C2CD3: variants seen among roughly 807,000 people sequenced by gnomAD.
C2CD3 encodes the protein C2 domain-containing protein 3.
In C2CD3, 148 loss-of-function variants were observed where a neutral mutation model predicts 234.0. The ratio of observed to expected loss-of-function variants is 0.63; its 90% CI spans 0.55 to 0.72. The LOEUF (loss-of-function observed/expected upper bound fraction) is 0.72. Among genes scored for constraint, C2CD3 ranks in the 30% least tolerant of loss-of-function variants. The pLI is 0.00. For synonymous variants in C2CD3, 1,000 were observed against 1,035.4 expected, an observed-to-expected ratio of 0.97 and a Z score of 0.66; for missense variants, 2,577 against 2,811.5, an observed-to-expected ratio of 0.92 and a Z score of 1.89.
chr11:74,123,254 C>G, intron 7 of C2CD3, 119 bp from the exon 8 acceptor site: 2 of 694,374 alleles, frequency 2.9e-6, no homozygotes, highest in South Asian at 4.1e-5. Flanking sequence ...AAACAAAAGA[C>G]TCACATTAAA....
At chr11:74,139,049 C>G (rs1957961366) in intron 4 of C2CD3, 82 bp from the exon 5 acceptor site, 3 of 1,261,854 alleles carry the variant, frequency 2.4e-6, no homozygotes. Context: ...AGAAAGTAGA[C>G]CAGTGGTTTT....
chr11:74,098,055 C>G lies in C2CD3; in HGVS notation c.2933G>C (p.Arg978Thr), dbSNP rs542242783. Reference protein sequence around the residue: ...EEGTLPPFSPRPAHFLDQPTA... With the variant: ...EEGTLPPFSPTPAHFLDQPTA... The stretch of plus-strand genomic sequence containing the variant: ...TGGCTGGTCCAGGAAATGGGCTGGC[C>G]TAGGGCTGAAGGGAGGGAGTGTTCC... The change falls in exon 16 of 33, where the codon AGG (arginine) becomes ACG (threonine). Residue 978 changes from arginine (R) to threonine (T), a missense_variant. Transcript: ENST00000334126. 6.2e-7 allele frequency: 1 copy of G among 1,614,098 alleles called. No individual in the cohort carries two copies. The highest frequency in any genetic ancestry group is 2.2e-5 in the East Asian group (1 of 44,876).
intron 22 of C2CD3, among the ~76,000 whole-genome samples, chr11:74,081,314 C>T (rs1219688286): frequency 6.6e-6 from 1 of 152,096 alleles, no homozygotes; most frequent in African/African-American, 2.4e-5. Flanking sequence ...TTCCAGACTG[C>T]CTTGGTGGTT....
At chr11:74,084,696 G>C (rs1160373017) in intron 22 of C2CD3, among the ~76,000 whole-genome samples, 185 bp downstream of exon 22, 2 of 151,560 alleles carry the variant, frequency 1.3e-5, no homozygotes, top group Non-Finnish European at 1.5e-5. Flanking sequence ...AATTAATTAA[G>C]ATCTTTAAAC....
intron 24 of C2CD3, among the ~76,000 whole-genome samples, chr11:74,067,054 T>C (rs559407796): frequency 1.7e-4 from 26 of 152,344 alleles, no homozygotes; most frequent in African/African-American, 6.3e-4. Flanking sequence ...AAAAACAGCA[T>C]TTCTGTTCCC....
At chr11:74,102,888 G>A (rs1590808638) in intron 14 of C2CD3, among the ~76,000 whole-genome samples, 1 of 152,250 alleles carries the variant, frequency 6.6e-6, no homozygotes, top group Non-Finnish European at 1.5e-5. Flanking sequence ...CAAAACTCAG[G>A]CAAAAGAAAC....
intron 3 of C2CD3, among the ~76,000 whole-genome samples, chr11:74,143,535 TTATATA>T (rs143669000): frequency 6.9e-6 from 1 of 145,862 alleles, no homozygotes; most frequent in Non-Finnish European, 1.5e-5. Flanking sequence ...TTTTATATAT[TTATATA>T]TATATATATT....
At position 74,099,937 on chromosome 11, in the gene C2CD3, G is replaced by T. The variant is rs138727242; in HGVS notation, c.2732+588C>A. On this transcript the variant is annotated intron_variant, in intron 15 of 32. Coordinates refer to ENST00000334126, the MANE Select transcript of C2CD3 (RefSeq NM_001286577.2). ...AAAAACAACAAAAAAGAAACAGTTT[G>T]TATTGAGGAATGAAATAACCTTCAG... Among the ~76,000 whole-genome samples, 281 of 152,028 alleles carry T rather than the reference G, an allele frequency of 1.8e-3. 1 individual carries two copies. Among genetic ancestry groups the T allele is most frequent in the African/African-American group, 6.4e-3 (267 of 41,498 alleles).
chr11:74,073,324 C>T (rs1006488224), intron 24 of C2CD3, among the ~76,000 whole-genome samples: 3 of 152,086 alleles, frequency 2.0e-5, no homozygotes, highest in South Asian at 2.1e-4. Flanking sequence ...CAGTGGCTCA[C>T]GTCTGTACTC....
chr11:74,157,280 A>G (rs762100279), intron 3 of C2CD3, among the ~76,000 whole-genome samples: 1 of 152,178 alleles, frequency 6.6e-6, no homozygotes, highest in Non-Finnish European at 1.5e-5. Context: ...TTCTCTTTTC[A>G]TAGTATTTAC....
In C2CD3 at chr11:74,118,319, T is replaced by C. The variant is rs1057397131; in HGVS notation, c.1429A>G (p.Ile477Val). 6.2e-7 allele frequency: 1 copy of C among 1,611,656 alleles called. No individual in the cohort carries two copies. Among genetic ancestry groups the C allele is most frequent in the African/African-American group, 1.3e-5 (1 of 74,868 alleles). The change falls in exon 9 of 33, where the codon ATA becomes GTA. Residue 477 changes from isoleucine to valine, a missense_variant. Coordinates refer to ENST00000334126, the MANE Select transcript of C2CD3 (RefSeq NM_001286577.2). ...EEDDIVPSKK[I>V]SQSTALARSS... ...CTGGCAAGAGCTGTTGACTGGCTTA[T>C]TTTTTTAGAAGGGACGATATCATCC...
chr11:74,117,117 TATATATATATGA>T lies in C2CD3; in HGVS notation c.1520+1099_1520+1110del, dbSNP rs1957026701. Among the ~76,000 whole-genome samples, 18 of 10,374 alleles carry T rather than the reference TATATATATATGA, an allele frequency of 1.7e-3. 2 individuals are homozygous for T. The highest frequency in any genetic ancestry group is 5.6e-3 in the African/African-American group (17 of 3,024). 6.8% of individuals were successfully genotyped at this position (10,374 alleles called of 152,430 possible). The stretch of plus-strand genomic sequence containing the variant: ...ATATATATGAATATATATATATGAA[TATATATATATGA>T]ATATATATATATGAATATATATATA... On this transcript the variant is annotated intron_variant, in intron 9 of 32. Coordinates refer to ENST00000334126, the MANE Select transcript of C2CD3 (RefSeq NM_001286577.2).
At chr11:74,070,299 G>A (rs1037528500) in intron 24 of C2CD3, among the ~76,000 whole-genome samples, 7 of 152,206 alleles carry the variant, frequency 4.6e-5, no homozygotes, top group Admixed American at 4.6e-4. Context: ...CCATTTCAGA[G>A]CTGCTTCAGA....
chr11:74,015,537 G>T (rs1201939899), intron 32 of C2CD3, among the ~76,000 whole-genome samples: 2 of 152,264 alleles, frequency 1.3e-5, no homozygotes, highest in East Asian at 3.9e-4. Context: ...GTCATCAGTT[G>T]TATCTTACCT....
At chr11:74,072,392 T>C (rs4944878) in intron 24 of C2CD3, among the ~76,000 whole-genome samples, 70,954 of 151,952 alleles carry the variant, frequency 0.47, 16,600 homozygotes, top group Non-Finnish European at 0.48. Flanking sequence ...GTTTCTGTTC[T>C]AAAGTAGTAA....
At chr11:74,143,759 T>C (rs1316004584) in intron 3 of C2CD3, among the ~76,000 whole-genome samples, 1 of 151,984 alleles carries the variant, frequency 6.6e-6, no homozygotes, top group African/African-American at 2.4e-5. Flanking sequence ...TTTTCTTATA[T>C]TGCCCTCTGG....
chr11:74,122,426 C>A (rs987532199), intron 8 of C2CD3, among the ~76,000 whole-genome samples: 2 of 152,076 alleles, frequency 1.3e-5, no homozygotes, highest in Admixed American at 6.6e-5. Flanking sequence ...GAGTATGAAC[C>A]TTCACACATA....
chr11:74,082,124 T>TA (rs1491549385), intron 22 of C2CD3, among the ~76,000 whole-genome samples: 17 of 41,420 alleles, frequency 4.1e-4, no homozygotes, highest in Non-Finnish European at 7.7e-4. Flanking sequence ...GCTGTGGATA[T>TA]TTTTTTTTTT....
intron 7 of C2CD3, chr11:74,129,528 A>G (rs1240788549): frequency 5.3e-6 from 1 of 189,240 alleles, no homozygotes. Context: ...GCGGCCGGGA[A>G]GAGGCGCTCC....
Sources: allele counts gnomAD v4.1 joint callset (sites outside exome capture counted in the v4.1 genomes callset), GRCh38; gene constraint gnomAD v4.1.1; transcripts MANE v1.5; gene names NCBI Gene and HGNC (gene_info 2026-07-23, HGNC 2026-07-21).